ADAM7: variants seen among roughly 807,000 people sequenced by gnomAD.
The protein encoded by ADAM7 is ADAM metallopeptidase domain 7.
Under a neutral mutation model 102.9 loss-of-function variants are expected in ADAM7, and 97 were observed. The ratio of observed to expected loss-of-function variants is 0.94; its 90% CI spans 0.80 to 1.12. The LOEUF (loss-of-function observed/expected upper bound fraction) is 1.12, where lower values mean the gene tolerates loss of function less well. Among genes scored for constraint, ADAM7 ranks in the 50% most tolerant of loss-of-function variants. ADAM7 has a pLI of 0.00. For synonymous variants in ADAM7, 334 were observed against 304.4 expected (o/e 1.10, Z -1.01); for missense variants, 991 against 908.7 (o/e 1.09, Z -1.16).
rs374588718 is a variant in ADAM7, at chr8:24,460,977, A to T, written c.234-2905A>T. Among the ~76,000 whole-genome samples, 26 of 152,194 alleles carry T rather than the reference A, an allele frequency of 1.7e-4. 1 individual carries two copies. The highest frequency in any genetic ancestry group is 5.2e-4 in the Admixed American group (8 of 15,292). On this transcript the variant is annotated intron_variant, in intron 3 of 21. Transcript: ENST00000175238. ...TTTGTAGCATAGATCTGTGGCAAAAATTCACTTCAGTTTTATTTTATCTGT... is the reference window on the plus strand; with the variant it reads ...TTTGTAGCATAGATCTGTGGCAAAATTTCACTTCAGTTTTATTTTATCTGT...
intron 7 of ADAM7, among the ~76,000 whole-genome samples, chr8:24,470,100 C>T (rs1190032427): frequency 6.6e-6 from 1 of 151,874 alleles, no homozygotes; most frequent in Admixed American, 6.6e-5. Flanking sequence ...TTCTGAATAT[C>T]AAAGACAAAG....
intron 7 of ADAM7, among the ~76,000 whole-genome samples, chr8:24,470,209 A>G (rs1819559900): frequency 6.6e-6 from 1 of 152,152 alleles, no homozygotes; most frequent in African/African-American, 2.4e-5. Context: ...TACAGTTTCT[A>G]GAAAGTAAGT....
chr8:24,498,342 G>A (rs1820629916), intron 16 of ADAM7, among the ~76,000 whole-genome samples: 1 of 151,634 alleles, frequency 6.6e-6, no homozygotes, highest in South Asian at 2.1e-4. Context: ...CTTGCAAAAG[G>A]AGGAGTTAAT....
intron 9 of ADAM7, 59 bp from the exon 10 acceptor site, chr8:24,485,218 C>T (rs1820099982): frequency 3.4e-6 from 5 of 1,471,608 alleles, no homozygotes; most frequent in East Asian, 4.5e-5. Context: ...GCAATTTGAT[C>T]TTTGTGTTAA....
intron 18 of ADAM7, 48 bp downstream of exon 18, chr8:24,500,304 C>A (rs751829138): frequency 8.4e-6 from 13 of 1,540,646 alleles, no homozygotes; most frequent in Non-Finnish European, 1.2e-5. Flanking sequence ...GCCTACCCAG[C>A]GAAAAAAGTT....
chr8:24,502,029 A>G (rs1447572334), intron 20 of ADAM7, among the ~76,000 whole-genome samples: 1 of 79,504 alleles, frequency 1.3e-5, no homozygotes, highest in Non-Finnish European at 3.1e-5. Context: ...CTAAAAATAT[A>G]AAGACTAAAA....
chr8:24,500,437 C>G (rs1157304263), intron 18 of ADAM7, among the ~76,000 whole-genome samples, 181 bp downstream of exon 18: 3 of 152,118 alleles, frequency 2.0e-5, no homozygotes. Flanking sequence ...CAGCAATTCC[C>G]TTTTACAGCC....
intron 1 of ADAM7, 92 bp downstream of exon 1, chr8:24,441,252 AT>A: frequency 1.6e-6 from 2 of 1,279,424 alleles, no homozygotes; most frequent in Non-Finnish European, 2.3e-6. Context: ...TGATAAAAAC[AT>A]TAAACGTTGA....
intron 18 of ADAM7, 32 bp downstream of exon 18, chr8:24,500,288 T>C: frequency 1.3e-6 from 2 of 1,580,200 alleles, no homozygotes; most frequent in Non-Finnish European, 8.7e-7. Flanking sequence ...CTTTCATATA[T>C]CAAAAGCCTA....
chr8:24,485,187 T>A (rs771540419), intron 9 of ADAM7, 90 bp from the exon 10 acceptor site: 1 of 1,147,762 alleles, frequency 8.7e-7, no homozygotes, highest in South Asian at 1.3e-5. Flanking sequence ...TGCAAAAGCA[T>A]TGGCATTGCT....
intron 9 of ADAM7, 83 bp downstream of exon 9, chr8:24,482,394 T>G (rs575093318): frequency 1.0e-3 from 1,474 of 1,419,732 alleles, no homozygotes; most frequent in Admixed American, 1.7e-3. Context: ...AAAAAAAACA[T>G]TTTTTAAGCA....
intron 18 of ADAM7, among the ~76,000 whole-genome samples, 169 bp from the exon 19 acceptor site, chr8:24,500,621 T>G (rs562092086): frequency 6.6e-6 from 1 of 152,236 alleles, no homozygotes; most frequent in South Asian, 2.1e-4. Flanking sequence ...AAATGATAAT[T>G]TGTATAATGT....
intron 19 of ADAM7, 52 bp downstream of exon 19, chr8:24,500,947 T>C (rs1820738838): frequency 1.8e-5 from 26 of 1,450,328 alleles, no homozygotes; most frequent in Non-Finnish European, 2.3e-5. Flanking sequence ...ACTGAGAATA[T>C]GTAAGCTTTG....
In ADAM7 at chr8:24,466,867, A is replaced by G; in HGVS notation, c.458A>G (p.His153Arg). The G allele has an allele frequency of 6.2e-7, 1 of 1,614,076 alleles. No individual in the cohort carries two copies. The highest frequency in any genetic ancestry group is 8.5e-7 in the Non-Finnish European group (1 of 1,179,944). Residue 153 changes from histidine (H) to arginine (R), a missense_variant, in exon 6 of 22, where the codon CAT becomes CGT. His to Arg is a conservative substitution (Grantham distance 29, BLOSUM62 0). Transcript: ENST00000175238. Reference protein sequence around the residue: ...EPVKYSDEGEHLVFKYNLRVP... With the variant: ...EPVKYSDEGERLVFKYNLRVP... ...GTGAAATACTCAGATGAGGGAGAAC[A>G]TTTGGTGTTCAAATATAACCTGAGG...
intron 7 of ADAM7, among the ~76,000 whole-genome samples, chr8:24,473,186 A>C (rs1014493827): frequency 6.6e-6 from 1 of 152,200 alleles, no homozygotes; most frequent in Non-Finnish European, 1.5e-5. Flanking sequence ...ATCTTTTACA[A>C]ACTGTTCCAC....
At chr8:24,507,391 G>C (rs1208715749) in intron 20 of ADAM7, 89 bp from the exon 21 acceptor site, 2 of 1,021,632 alleles carry the variant, frequency 2.0e-6, no homozygotes, top group Non-Finnish European at 3.1e-6. Flanking sequence ...GTGCTCATGT[G>C]TATGTGTGCA....
intron 7 of ADAM7, 77 bp downstream of exon 7, chr8:24,468,897 A>G: frequency 7.4e-7 from 1 of 1,347,616 alleles, no homozygotes; most frequent in Admixed American, 1.8e-5. Context: ...ATAGAGAGAA[A>G]GGTATTCTAA....
In ADAM7 at chr8:24,441,161, G is replaced by C. The variant is rs1342093322; in HGVS notation, c.52+1G>C. The stretch of plus-strand genomic sequence containing the variant: ...ATTTTACTCATTCCTCAGGTTAAAG[G>C]TATGTCTTGCTCTTTTTATCAGGAC... On this transcript the variant is annotated splice_donor_variant, in intron 1 of 21. Coordinates refer to ENST00000175238, the MANE Select transcript of ADAM7 (RefSeq NM_003817.4). LOFTEE classifies it high-confidence loss of function. The C allele has an allele frequency of 6.2e-7, 1 of 1,611,790 alleles. No individual in the cohort carries two copies. The highest frequency in any genetic ancestry group is 1.3e-5 in the African/African-American group (1 of 74,856).
At chr8:24,494,981 T>G (rs550060579) in intron 16 of ADAM7, among the ~76,000 whole-genome samples, 5 of 152,318 alleles carry the variant, frequency 3.3e-5, no homozygotes, top group African/African-American at 1.2e-4. Context: ...ACAGATGCCC[T>G]GGCTCCAGAC....
Sources: allele counts gnomAD v4.1 joint callset (sites outside exome capture counted in the v4.1 genomes callset), GRCh38; gene constraint gnomAD v4.1.1; transcripts MANE v1.5; gene names NCBI Gene and HGNC (gene_info 2026-07-23, HGNC 2026-07-21).